Variants in LAMB1 observed in about 807,000 individuals in gnomAD.
LAMB1 encodes the protein laminin subunit beta-1.
Under a neutral mutation model 222.3 loss-of-function variants are expected in LAMB1, and 121 were observed. The observed-to-expected ratio is 0.54, with a 90% confidence interval of 0.47 to 0.63. The LOEUF is 0.63. Ranked by LOEUF, LAMB1 falls within the 30% of genes least tolerant of loss-of-function variation. The pLI is 0.00. For synonymous variants in LAMB1, 794 were observed against 807.2 expected (o/e 0.98, Z 0.28); for missense variants, 2,172 against 2,240.8 (o/e 0.97, Z 0.62).
At chr7:107,926,997 A>G (rs1426632477) in intron 31 of LAMB1, among the ~76,000 whole-genome samples, 1 of 152,210 alleles carries the variant, frequency 6.6e-6, no homozygotes, top group Non-Finnish European at 1.5e-5. Flanking sequence ...ATAAACATTG[A>G]CTTTTAAAAG....
At chr7:107,969,090 C>T in intron 13 of LAMB1, among the ~76,000 whole-genome samples, 1 of 151,996 alleles carries the variant, frequency 6.6e-6, no homozygotes, top group East Asian at 1.9e-4. Flanking sequence ...AGATTGAGAC[C>T]ATCCTGGCTA....
chr7:107,929,899 T>TA, intron 29 of LAMB1: 1 of 461,878 alleles, frequency 2.2e-6, no homozygotes, highest in South Asian at 2.4e-5. Context: ...GATCAGATTT[T>TA]AAGGGATAAT....
intron 33 of LAMB1, 46 bp downstream of exon 33, chr7:107,924,184 A>T (rs2032504542): frequency 2.6e-6 from 4 of 1,558,292 alleles, no homozygotes; most frequent in Admixed American, 2.2e-5. Flanking sequence ...TAAACTATGG[A>T]TGCCTTAAAG....
intron 13 of LAMB1, among the ~76,000 whole-genome samples, chr7:107,966,842 C>T (rs898653385): frequency 6.6e-6 from 1 of 152,238 alleles, no homozygotes; most frequent in African/African-American, 2.4e-5. Context: ...CAAGGAATGG[C>T]TCCATGAGAG....
At chr7:107,968,437 G>A (rs12533113) in intron 13 of LAMB1, among the ~76,000 whole-genome samples, 13,798 of 152,190 alleles carry the variant, frequency 0.091, 676 homozygotes, top group Admixed American at 0.15. Flanking sequence ...TGTTATCTGT[G>A]GGATGTTACC....
At chr7:107,933,667 G>A (rs1478426632) in intron 27 of LAMB1, among the ~76,000 whole-genome samples, 1 of 151,654 alleles carries the variant, frequency 6.6e-6, no homozygotes, top group African/African-American at 2.4e-5. Context: ...AGAAGTACCT[G>A]AAAAACAAAA....
chr7:107,964,109 A>G (rs926287304), intron 14 of LAMB1, among the ~76,000 whole-genome samples: 3 of 152,210 alleles, frequency 2.0e-5, no homozygotes, highest in Non-Finnish European at 4.4e-5. Context: ...AAAAAAAGAA[A>G]AAAGAAAGGT....
At chr7:107,958,637 G>A (rs1022098014) in intron 20 of LAMB1, among the ~76,000 whole-genome samples, 26 of 152,226 alleles carry the variant, frequency 1.7e-4, no homozygotes, top group African/African-American at 6.3e-4. Flanking sequence ...AACAGTGTAA[G>A]TCAGCAGGTA....
At chr7:107,951,420 G>A (rs2033247862) in intron 23 of LAMB1, 98 bp from the exon 24 acceptor site, 4 of 1,048,498 alleles carry the variant, frequency 3.8e-6, no homozygotes, top group Non-Finnish European at 5.7e-6. Flanking sequence ...GGAATGAACT[G>A]TTTACCTGAG....
At chr7:107,962,707 CAAAAAA>C (rs57580761) in intron 15 of LAMB1, among the ~76,000 whole-genome samples, 192 bp downstream of exon 15, 1 of 98,696 alleles carries the variant, frequency 1.0e-5, no homozygotes. Flanking sequence ...GAGCGAGACT[CAAAAAA>C]AAAAAAAAAA....
At chr7:107,933,111 T>C (rs767156826) in intron 27 of LAMB1, among the ~76,000 whole-genome samples, 31 of 152,312 alleles carry the variant, frequency 2.0e-4, no homozygotes, top group Non-Finnish European at 2.6e-4. Flanking sequence ...AGTCCTCCTT[T>C]CTTACCTACC....
Position 107,973,027 on chromosome 7 carries a change from T to C in LAMB1, c.1527A>G (p.Pro509=), listed in dbSNP as rs1317548755. The C allele has an allele frequency of 2.5e-6, 4 of 1,613,956 alleles. No individual in the cohort carries two copies. Among genetic ancestry groups the C allele is most frequent in the Non-Finnish European group, 3.4e-6 (4 of 1,179,942 alleles). Residue 509 remains proline (P), a synonymous_variant, in exon 13 of 34, where the codon CCA becomes CCG. Coordinates refer to ENST00000222399, the MANE Select transcript of LAMB1 (RefSeq NM_002291.3). ...AGGCTCCCCCAAGGTCACAGTCACA[T>C]GGTCGACATCCATCCAAATCATTGC... The part of the protein sequence containing the change: ...GLSNDLDGCR[P]CDCDLGGALN...
intron 31 of LAMB1, among the ~76,000 whole-genome samples, chr7:107,927,491 G>A (rs2032592978): frequency 6.6e-6 from 1 of 152,104 alleles, no homozygotes. Context: ...AGGCTGGAGT[G>A]CAGTGACTGT....
At chr7:107,929,307 A>T in intron 30 of LAMB1, 102 bp from the exon 31 acceptor site, 1 of 1,499,144 alleles carries the variant, frequency 6.7e-7, no homozygotes, top group South Asian at 1.1e-5. Context: ...TGACCCAGAG[A>T]GACTCGCATA....
chr7:108,001,709 G>A lies in LAMB1; in HGVS notation c.62C>T (p.Ala21Val). The A allele has an allele frequency of 1.2e-6, 2 of 1,612,968 alleles. No individual in the cohort carries two copies. Among genetic ancestry groups the A allele is most frequent in the South Asian group, 2.2e-5 (2 of 90,936 alleles). The change falls in exon 3 of 34, where the codon GCT becomes GTT. Residue 21 changes from alanine to valine, a missense_variant. By Grantham distance (64) the Ala-to-Val change is moderately conservative. Coordinates refer to ENST00000222399, the MANE Select transcript of LAMB1 (RefSeq NM_002291.3). The stretch of plus-strand genomic sequence containing the variant: ...GCCGTAGCTGAACTCGGGTTCCTGA[G>A]CGCGCACTCGGGCTCTGCACAGGGC... Reference protein sequence around the residue: ...FLALCRARVRAQEPEFSYGCA... With the variant: ...FLALCRARVRVQEPEFSYGCA...
At chr7:107,995,582 C>G (rs545749046) in intron 4 of LAMB1, among the ~76,000 whole-genome samples, 1 of 152,324 alleles carries the variant, frequency 6.6e-6, no homozygotes, top group South Asian at 2.1e-4. Flanking sequence ...TGGCTCAGAA[C>G]AAATACTAAC....
rs769712243 is a variant in LAMB1, at chr7:107,935,470, A to G, written c.4133T>C (p.Leu1378Pro). Residue 1378 changes from leucine to proline, a missense_variant, in exon 27 of 34, where the codon CTT (leucine) becomes CCT (proline). Transcript: ENST00000222399. ...TTGTAGCTTGCCTGCCAGTTCATCA[A>G]GGAGGCGAGCCTGCTCCTCTTGTTT... Reference protein sequence around the residue: ...KEKQEEQARLLDELAGKLQSL... With the variant: ...KEKQEEQARLPDELAGKLQSL... 3.1e-6 allele frequency: 5 copies of G among 1,612,482 alleles called. No individual in the cohort carries two copies. The African/African-American group carries it at 4.0e-5, about 13-fold the overall frequency.
chr7:107,945,496 G>C (rs369441875), intron 24 of LAMB1, among the ~76,000 whole-genome samples: 1 of 152,162 alleles, frequency 6.6e-6, no homozygotes. Flanking sequence ...ACTGTTTCCC[G>C]AGGGCACCTC....
intron 18 of LAMB1, 128 bp from the exon 19 acceptor site, chr7:107,959,962 T>A (rs896775035): frequency 7.8e-6 from 10 of 1,287,496 alleles, no homozygotes; most frequent in Non-Finnish European, 9.4e-6. Context: ...ATCCCTATGA[T>A]GAGCGGAAGG....
Sources: allele counts gnomAD v4.1 joint callset (sites outside exome capture counted in the v4.1 genomes callset), GRCh38; gene constraint gnomAD v4.1.1; transcripts MANE v1.5; gene names NCBI Gene and HGNC (gene_info 2026-07-23, HGNC 2026-07-21).